DNAH10: variants seen among roughly 807,000 people sequenced by gnomAD.
DNAH10 encodes axonemal beta dynein heavy chain 10.
Under a neutral mutation model 506.6 loss-of-function variants are expected in DNAH10, and 348 were observed. That is an observed-to-expected ratio of 0.69 (90% CI 0.63 to 0.75). The LOEUF (loss-of-function observed/expected upper bound fraction) is 0.75. Ranked by LOEUF, DNAH10 falls within the 30% of genes least tolerant of loss-of-function variation. The pLI is 0.00. For missense variants in DNAH10, 5,179 were observed against 5,787.1 expected (o/e 0.89, Z 3.41); for synonymous variants, 2,059 against 2,198.6 (o/e 0.94, Z 1.78).
At chr12:123,908,548 G>T in intron 57 of DNAH10, 1 of 456,116 alleles carries the variant, frequency 2.2e-6, no homozygotes, top group Middle Eastern at 3.3e-4. Flanking sequence ...CTGGCAGTGG[G>T]ATGCCCCGGT....
intron 18 of DNAH10, among the ~76,000 whole-genome samples, chr12:123,807,187 ACATC>A (rs3071663): frequency 0.57 from 83,334 of 145,538 alleles, 24,108 homozygotes; most frequent in East Asian, 0.86. Flanking sequence ...ATTCATCCCC[ACATC>A]CATCCATCCA....
intron 19 of DNAH10, among the ~76,000 whole-genome samples, chr12:123,812,661 A>C (rs79684108): frequency 0.049 from 7,405 of 152,298 alleles, 225 homozygotes; most frequent in African/African-American, 0.089. Context: ...TTCAAAACTT[A>C]CTGGCATAAA....
chr12:123,878,310 T>C (rs12581674), intron 48 of DNAH10, among the ~76,000 whole-genome samples: 2,125 of 152,340 alleles, frequency 0.014, 27 homozygotes, highest in East Asian at 0.055. Flanking sequence ...AGTCACGATA[T>C]AGGGAAATTC....
intron 56 of DNAH10, among the ~76,000 whole-genome samples, chr12:123,901,118 C>T (rs1336532207): frequency 6.6e-6 from 1 of 152,212 alleles, no homozygotes. Context: ...CTGAAAGAGC[C>T]CACAATTTTG....
Position 123,903,084 on chromosome 12 carries a change from G to A in DNAH10, c.9786G>A (p.Lys3262=), listed in dbSNP as rs558089883. The change falls in exon 57 of 79, where the codon AAG becomes AAA. Residue 3262 remains lysine, a synonymous_variant. Coordinates refer to ENST00000673944, the MANE Select transcript of DNAH10 (RefSeq NM_001372106.1). This position sits in a 1 kb window ranked among gnomAD's most constrained non-coding sequence, Gnocchi z 4.6. ...ILEAAKLELQ[K]LDKSDVTEIR... ...AGGCCGCCAAGCTGGAACTGCAGAA[G>A]CTGGACAAGTCGGACGTGACTGAGA... 1.9e-6 allele frequency: 3 copies of A among 1,612,042 alleles called. No individual in the cohort carries two copies. The highest frequency in any genetic ancestry group is 2.7e-5 in the African/African-American group (2 of 75,006).
intron 61 of DNAH10, 120 bp downstream of exon 61, chr12:123,914,670 G>A (rs927173391): frequency 1.3e-5 from 18 of 1,398,104 alleles, no homozygotes; most frequent in Non-Finnish European, 1.4e-5. Context: ...CAGTTGGCTC[G>A]ACTGCATGGA....
intron 6 of DNAH10, among the ~76,000 whole-genome samples, 180 bp downstream of exon 6, chr12:123,781,479 G>A (rs1389894444): frequency 6.6e-6 from 1 of 151,830 alleles, no homozygotes; most frequent in African/African-American, 2.4e-5. Flanking sequence ...AGGATTTTTT[G>A]TTTTGAGACA....
rs1255825827 is a variant in DNAH10, at chr12:123,838,442, C to G, written c.4903-14C>G. On this transcript the variant is annotated splice_polypyrimidine_tract_variant and intron_variant, in intron 28 of 78. Transcript: ENST00000673944. Reference sequence around the variant, plus strand: ...GCTCACCCTGCTTGACGGCTGTCCTCTGTTCTGGTCCAGATCATGGGTGAG... The same window carrying G: ...GCTCACCCTGCTTGACGGCTGTCCTGTGTTCTGGTCCAGATCATGGGTGAG... 1 of 1,607,402 alleles carries G rather than the reference C, an allele frequency of 6.2e-7. No homozygotes were observed. The highest frequency in any genetic ancestry group is 1.3e-5 in the African/African-American group (1 of 74,816).
intron 30 of DNAH10, 86 bp downstream of exon 30, chr12:123,841,631 G>A: frequency 7.5e-7 from 1 of 1,326,344 alleles, no homozygotes; most frequent in Non-Finnish European, 1.0e-6. Flanking sequence ...TAGATTGGCT[G>A]ACATTCCAAA....
chr12:123,877,716 G>C lies in DNAH10; in HGVS notation c.8200-20G>C, dbSNP rs1365578724. On this transcript the variant is annotated intron_variant, in intron 47 of 78. Transcript: ENST00000673944. ...TGAAGGACATTTGTGTGTTGGGGGG[G>C]GTGTCTTTGCATTTTTCAGACGTTT... 3.1e-6 allele frequency: 5 copies of C among 1,604,458 alleles called. No homozygotes were observed. The highest frequency in any genetic ancestry group is 3.4e-6 in the Non-Finnish European group (4 of 1,175,266).
In DNAH10 at chr12:123,813,301, C is replaced by G; in HGVS notation, c.3282C>G (p.Pro1094=). 6.2e-7 allele frequency: 1 copy of G among 1,614,076 alleles called. No homozygotes were observed. The highest frequency in any genetic ancestry group is 1.1e-5 in the South Asian group (1 of 91,076). The change falls in exon 20 of 79, where the codon CCC becomes CCG. Residue 1094 remains proline (P), a synonymous_variant. Transcript: ENST00000673944. The part of the protein sequence containing the change: ...PQIIEQAVMI[P]QNVHRILINL... Reference sequence around the variant, plus strand: ...TAATTGAACAAGCTGTTATGATCCCCCAAAATGTCCACAGGATTCTGATCA... The same window carrying G: ...TAATTGAACAAGCTGTTATGATCCCGCAAAATGTCCACAGGATTCTGATCA...
At chr12:123,862,810 A>G (rs1030692848) in intron 39 of DNAH10, among the ~76,000 whole-genome samples, 1 of 152,290 alleles carries the variant, frequency 6.6e-6, no homozygotes, top group East Asian at 1.9e-4. Flanking sequence ...CCTGAGTTTG[A>G]TAATTCTGCT....
rs911097259 is a variant in DNAH10 at position 123,924,290 on chromosome 12, T to C, written c.11624T>C (p.Leu3875Pro). 26 of 1,609,402 alleles carry C rather than the reference T, an allele frequency of 1.6e-5. No homozygotes were observed. Among genetic ancestry groups the C allele is most frequent in the Non-Finnish European group, 2.2e-5 (26 of 1,176,864 alleles). The change falls in exon 67 of 79, where the codon CTG becomes CCG. Residue 3875 changes from leucine to proline, a missense_variant. By Grantham distance (98) the Leu-to-Pro change is moderately conservative. Transcript: ENST00000673944. Reference sequence around the variant, plus strand: ...CTGTTGTGATTAGGAAACATTTCCCTGGAGAAAAGCAAAAGAAAAAAGCCC... The same window carrying C: ...CTGTTGTGATTAGGAAACATTTCCCCGGAGAAAAGCAAAAGAAAAAAGCCC... The part of the protein sequence containing the change: ...LDFFLKGNIS[L>P]EKSKRKKPCA...
At chr12:123,826,577 T>C in intron 24 of DNAH10, 110 bp from the exon 25 acceptor site, 2 of 878,636 alleles carry the variant, frequency 2.3e-6, no homozygotes, top group South Asian at 2.1e-5. Flanking sequence ...TGTAGATAGA[T>C]GGGTAATACT....
chr12:123,767,623 T>C lies in DNAH10; in HGVS notation c.232T>C (p.Ser78Pro), dbSNP rs1957095928. The change falls in exon 2 of 79, where the codon TCT becomes CCT. Residue 78 changes from serine to proline, a missense_variant. Physicochemically the swap from Ser to Pro is moderately conservative, Grantham distance 74. Around this residue, in one of 3 missense-constraint regions of DNAH10, gnomAD observed 326 missense variants for 330.8 expected, o/e 0.99. Transcript: ENST00000673944. ...CCATAAAGATGAGATACCTGTCCTG[T>C]CTGAAGAGGGAGAAGAGGAAGAAGA... is the stretch of plus-strand genomic sequence containing the variant. ...EVEIDEIPVL[S>P]EEGEEEEETY... 1 of 1,612,566 alleles carries C rather than the reference T, an allele frequency of 6.2e-7. No individual in the cohort carries two copies. Among genetic ancestry groups the C allele is most frequent in the African/African-American group, 1.3e-5 (1 of 74,898 alleles).
At chr12:123,782,013 C>T (rs1349665966) in intron 6 of DNAH10, among the ~76,000 whole-genome samples, 3 of 152,058 alleles carry the variant, frequency 2.0e-5, no homozygotes, top group African/African-American at 7.2e-5. Flanking sequence ...TGACGTTTTC[C>T]TCCACTATTT....
intron 24 of DNAH10, among the ~76,000 whole-genome samples, chr12:123,823,222 A>C (rs1959605890): frequency 6.6e-6 from 1 of 152,152 alleles, no homozygotes; most frequent in Non-Finnish European, 1.5e-5. Flanking sequence ...AGGAGATTTG[A>C]AGTTGTGTCT....
At chr12:123,929,512 T>C (rs1955106663) in intron 71 of DNAH10, 28 bp downstream of exon 71, 1 of 1,606,138 alleles carries the variant, frequency 6.2e-7, no homozygotes, top group Non-Finnish European at 8.5e-7. Context: ...TCCTTGGAAA[T>C]GGCTTCCTTA....
intron 39 of DNAH10, 79 bp downstream of exon 39, chr12:123,861,249 A>G: frequency 6.6e-7 from 1 of 1,504,716 alleles, no homozygotes; most frequent in Non-Finnish European, 8.9e-7. Flanking sequence ...TGGCAGGACT[A>G]TACATTGTAG....
Sources: gnomAD v4.1 joint callset for allele counts (sites outside exome capture counted in the v4.1 genomes callset) on GRCh38, gnomAD v4.1.1 for gene constraint, gnomAD v4.1.1 regional missense constraint, Gnocchi (gnomAD v3.1) non-coding constraint, MANE v1.5 for transcripts, NCBI Gene and HGNC (gene_info 2026-07-23, HGNC 2026-07-21) for gene names.